CA5A: variants seen among roughly 807,000 people sequenced by gnomAD.
The protein encoded by CA5A is carbonic anhydrase 5A, also known as carbonic anhydrase 5A, mitochondrial.
CA5A carries 28 observed loss-of-function variants against 37.1 expected under a neutral mutation model. That is an observed-to-expected ratio of 0.75 (90% CI 0.56 to 1.03). The LOEUF (loss-of-function observed/expected upper bound fraction) is 1.03. CA5A is among the 50% of genes least tolerant of loss of function. The probability of loss-of-function intolerance (pLI) is 0.00; values close to 1 mark genes in which losing one functional copy is unlikely to be tolerated. For synonymous variants in CA5A, 171 were observed against 158.4 expected (o/e 1.08, Z -0.60); for missense variants, 444 against 399.9 (o/e 1.11, Z -0.94).
rs564069888 is a variant in CA5A, at chr16:87,892,205, C to T, written c.619-251G>A. The T allele has an allele frequency of 2.8e-5, 11 of 386,248 alleles. No individual in the cohort carries two copies. In the South Asian group the frequency reaches 6.6e-4, roughly 23 times the overall value. The allele number at this position is 386,248 out of a possible 1,614,324, so 23.9% of individuals were successfully genotyped here. The stretch of plus-strand genomic sequence containing the variant: ...TTACACCAGCTTACGTTGGTGCTCA[C>T]ATTTTTCCTTTTGAAGTCATTTCTT... On this transcript the variant is annotated intron_variant, in intron 5 of 6. Coordinates refer to ENST00000649794, the MANE Select transcript of CA5A (RefSeq NM_001739.2).
At chr16:87,897,733 T>C (rs1251988767) in intron 5 of CA5A, among the ~76,000 whole-genome samples, 1 of 152,216 alleles carries the variant, frequency 6.6e-6, no homozygotes, top group Non-Finnish European at 1.5e-5. Flanking sequence ...AACGGGCTCT[T>C]CACCTGCCAG....
At chr16:87,927,915 A>T (rs2056335607) in intron 1 of CA5A, among the ~76,000 whole-genome samples, 1 of 151,290 alleles carries the variant, frequency 6.6e-6, no homozygotes, top group Non-Finnish European at 1.5e-5. Flanking sequence ...CTGTCCCATG[A>T]TTGCACCCCC....
At chr16:87,899,545 A>C (rs531986405) in intron 5 of CA5A, among the ~76,000 whole-genome samples, 18 of 150,558 alleles carry the variant, frequency 1.2e-4, no homozygotes, top group African/African-American at 1.9e-4. Context: ...TCAAGTGATA[A>C]GCCCGCCTTG....
At chr16:87,883,968 G>C (rs562263769), downstream of CA5A, 2 of 151,826 alleles carry the variant, frequency 1.3e-5, no homozygotes, top group Non-Finnish European at 2.9e-5. Flanking sequence ...TATCTCCCCG[G>C]AATGAAATGG....
chr16:87,922,689 G>A (rs574413157), intron 2 of CA5A, among the ~76,000 whole-genome samples: 2 of 152,350 alleles, frequency 1.3e-5, no homozygotes, highest in East Asian at 1.9e-4. Context: ...GCCAGCTGCC[G>A]GCTCTCCTGG....
chr16:87,887,198 T>G (rs1322690797), downstream of CA5A: 2 of 151,344 alleles, frequency 1.3e-5, no homozygotes, highest in Non-Finnish European at 3.0e-5. Context: ...CCACTGCACC[T>G]GGCCTACTAC....
intron 5 of CA5A, chr16:87,892,236 G>A (rs138812406): frequency 4.8e-4 from 136 of 282,012 alleles, no homozygotes; most frequent in African/African-American, 2.8e-3. Context: ...TTCTTGGGGC[G>A]CAGTAGCTCA....
chr16:87,914,964 C>G (rs975572609), intron 2 of CA5A, among the ~76,000 whole-genome samples: 1 of 152,212 alleles, frequency 6.6e-6, no homozygotes, highest in Admixed American at 6.5e-5. Flanking sequence ...CTAAGGAAAA[C>G]GCCGGGCACC....
intron 2 of CA5A, among the ~76,000 whole-genome samples, chr16:87,912,046 A>C (rs1199927702): frequency 6.6e-6 from 1 of 152,190 alleles, no homozygotes; most frequent in Admixed American, 6.6e-5. Context: ...TCATACCTGT[A>C]ATCCCAGCAC....
intron 1 of CA5A, among the ~76,000 whole-genome samples, 167 bp from the exon 2 acceptor site, chr16:87,927,112 A>G (rs115516589): frequency 0.013 from 2,003 of 152,342 alleles, 46 homozygotes; most frequent in African/African-American, 0.045. Context: ...ACGCACGCCC[A>G]CAGGGTACTC....
intron 2 of CA5A, among the ~76,000 whole-genome samples, chr16:87,919,977 C>T (rs1162110934): frequency 1.3e-5 from 2 of 152,202 alleles, no homozygotes; most frequent in Non-Finnish European, 2.9e-5. Flanking sequence ...CACCCAGCCC[C>T]GGAAAGCCAG....
intron 5 of CA5A, among the ~76,000 whole-genome samples, chr16:87,901,481 C>T (rs1466008962): frequency 6.6e-6 from 1 of 152,250 alleles, no homozygotes; most frequent in Non-Finnish European, 1.5e-5. Flanking sequence ...ACTGGAACCA[C>T]AGCCCCTTGG....
rs184608753 is a variant in CA5A at position 87,893,554 on chromosome 16, C to T, written c.619-1600G>A. Reference sequence around the variant, plus strand: ...CAGCCGTCCAGGGACTGGCAGGCCTCGGCCTAAAGGTCTGGAGGGTGGGCG... The same window carrying T: ...CAGCCGTCCAGGGACTGGCAGGCCTTGGCCTAAAGGTCTGGAGGGTGGGCG... On this transcript the variant is annotated intron_variant, in intron 5 of 6. Coordinates refer to ENST00000649794, the MANE Select transcript of CA5A (RefSeq NM_001739.2). The T allele has an allele frequency of 5.3e-3, 3,193 of 606,264 alleles. 15 individuals are homozygous for T. The highest frequency in any genetic ancestry group is 8.8e-3 in the Middle Eastern group (16 of 1,828). The allele number at this position is 606,264 out of a possible 1,614,324, so 37.6% of individuals were successfully genotyped here.
chr16:87,908,494 A>G lies in CA5A; in HGVS notation c.341-3590T>C, dbSNP rs2055998137. Among the ~76,000 whole-genome samples, 5 of 152,198 alleles carry G rather than the reference A, an allele frequency of 3.3e-5. 1 individual carries two copies. The South Asian group carries it at 1.0e-3, about 31-fold the overall frequency. ...GCACCCTAGGGTTCTACGTAGGCAC[A>G]TAAATAGGGTTCCAAAGAGAGCGAC... On this transcript the variant is annotated intron_variant, in intron 2 of 6. Coordinates refer to ENST00000649794, the MANE Select transcript of CA5A (RefSeq NM_001739.2).
chr16:87,919,169 G>A (rs1443372590), intron 2 of CA5A, among the ~76,000 whole-genome samples: 1 of 152,224 alleles, frequency 6.6e-6, no homozygotes, highest in East Asian at 1.9e-4. Context: ...GACGCTGGGA[G>A]ACAGAGACAG....
chr16:87,882,355 G>A (rs2143872362), intron 4 of CA5A: 1 of 152,326 alleles, frequency 6.6e-6, no homozygotes, highest in South Asian at 2.1e-4. Flanking sequence ...TTCCTTGACT[G>A]ATTGCACAAA....
At chr16:87,923,485 G>A (rs1362183271) in intron 2 of CA5A, 1 of 940,852 alleles carries the variant, frequency 1.1e-6, no homozygotes, top group East Asian at 1.2e-4. Context: ...AGCTCGCCCA[G>A]CCTGGCAGTG....
intron 1 of CA5A, among the ~76,000 whole-genome samples, chr16:87,935,799 C>A (rs2056462770): frequency 6.6e-6 from 1 of 151,946 alleles, no homozygotes. Context: ...TCACTTGAAC[C>A]TGGAGGGCAG....
chr16:87,890,982 C>T (rs997018290), intron 6 of CA5A, among the ~76,000 whole-genome samples: 6 of 151,924 alleles, frequency 3.9e-5, no homozygotes, highest in African/African-American at 1.2e-4. Flanking sequence ...TTAGTAGAGA[C>T]GGGGTTTCAC....
Sources: gnomAD v4.1 joint callset for allele counts (sites outside exome capture counted in the v4.1 genomes callset) on GRCh38, gnomAD v4.1.1 for gene constraint, MANE v1.5 for transcripts, NCBI Gene and HGNC (gene_info 2026-07-23, HGNC 2026-07-21) for gene names.